The following GPC5 variants were observed in gnomAD, a reference collection of about 807,000 sequenced individuals.
GPC5 encodes the protein glypican 5.
In GPC5, 47 loss-of-function variants were observed where a neutral mutation model predicts 53.9. The ratio of observed to expected loss-of-function variants is 0.87; its 90% confidence interval spans 0.69 to 1.11. The LOEUF (loss-of-function observed/expected upper bound fraction) is 1.11. GPC5 is among the 50% of genes most tolerant of loss of function. The probability of loss-of-function intolerance (pLI) is 0.00; values close to 1 mark genes in which losing one functional copy is unlikely to be tolerated. For synonymous variants in GPC5, 286 were observed against 263.3 expected (o/e 1.09, Z -0.84); for missense variants, 748 against 713.1 (o/e 1.05, Z -0.56).
At chr13:91,737,596 C>A (rs554300461) in intron 4 of GPC5, among the ~76,000 whole-genome samples, 2 of 151,418 alleles carry the variant, frequency 1.3e-5, no homozygotes, top group East Asian at 1.9e-4. Context: ...ATTAAAGATG[C>A]ATTTTACATT....
intron 7 of GPC5, among the ~76,000 whole-genome samples, chr13:92,753,853 A>C (rs9584060): frequency 0.011 from 1,660 of 152,330 alleles, 39 homozygotes; most frequent in African/African-American, 0.038. Context: ...TCTACGTCTG[A>C]TTGGTATACC....
chr13:92,158,712 C>T (rs1363153288), intron 7 of GPC5, among the ~76,000 whole-genome samples: 2 of 148,728 alleles, frequency 1.3e-5, no homozygotes, highest in African/African-American at 5.1e-5. Context: ...TCACATTGGT[C>T]TCTCTGCTTC....
chr13:92,248,165 C>T (rs1408797475), intron 7 of GPC5, among the ~76,000 whole-genome samples: 3 of 149,962 alleles, frequency 2.0e-5, no homozygotes, highest in Admixed American at 1.3e-4. Context: ...AATACTTTGA[C>T]GGGTTGACAA....
intron 5 of GPC5, among the ~76,000 whole-genome samples, chr13:91,854,156 A>G (rs1427722602): frequency 6.6e-6 from 1 of 151,906 alleles, no homozygotes; most frequent in Non-Finnish European, 1.5e-5. Context: ...ATTATTCTAT[A>G]AACAGTTATA....
intron 6 of GPC5, among the ~76,000 whole-genome samples, chr13:92,138,547 A>T (rs560015921): frequency 9.2e-5 from 14 of 151,434 alleles, no homozygotes; most frequent in African/African-American, 2.4e-4. Flanking sequence ...AAAATAAAAA[A>T]AAATAAAAAT....
intron 7 of GPC5, among the ~76,000 whole-genome samples, chr13:92,422,307 G>C (rs1366833106): frequency 1.3e-5 from 2 of 152,048 alleles, no homozygotes; most frequent in African/African-American, 2.4e-5. Flanking sequence ...CTCTAAATAA[G>C]TACAATACAC....
intron 2 of GPC5, among the ~76,000 whole-genome samples, chr13:91,565,652 A>G (rs2031494212): frequency 6.6e-6 from 1 of 152,256 alleles, no homozygotes; most frequent in Non-Finnish European, 1.5e-5. Context: ...CGCCTGGCAC[A>G]CTAATGCTGA....
chr13:91,846,957 C>A (rs777233561), intron 5 of GPC5, among the ~76,000 whole-genome samples: 66 of 152,132 alleles, frequency 4.3e-4, no homozygotes, highest in Non-Finnish European at 8.2e-4. Flanking sequence ...CGGTGGCTCA[C>A]TCCTGTAATC....
intron 7 of GPC5, among the ~76,000 whole-genome samples, chr13:92,511,042 G>C (rs1262433494): frequency 6.6e-6 from 1 of 152,166 alleles, no homozygotes; most frequent in African/African-American, 2.4e-5. Flanking sequence ...TTAATATCTA[G>C]ATTGGTATCT....
At chr13:92,002,208 A>G (rs1406704608) in intron 6 of GPC5, among the ~76,000 whole-genome samples, 3 of 152,048 alleles carry the variant, frequency 2.0e-5, no homozygotes, top group Non-Finnish European at 1.5e-5. Context: ...GGACACAGGC[A>G]AGGAAAGGTT....
Position 91,433,072 on chromosome 13 carries a change from A to G in GPC5, c.164-15689A>G, listed in dbSNP as rs369144656. On this transcript the variant is annotated intron_variant, in intron 1 of 7. Transcript: ENST00000377067. ...TCCTATTGGAGCTCATAGTCTTGGA[A>G]GAGAAGTAATAACAATTAATTACAC... 6.6e-5 allele frequency among the ~76,000 whole-genome samples: 10 copies of G among 152,268 alleles called. No homozygotes were observed. The South Asian group carries it at 2.1e-3, about 32-fold the overall frequency.
chr13:91,817,877 G>T (rs537918791), intron 5 of GPC5, among the ~76,000 whole-genome samples: 37 of 151,990 alleles, frequency 2.4e-4, no homozygotes, highest in African/African-American at 8.9e-4. Context: ...CTTTTTCCTG[G>T]TTTATGTAAA....
intron 6 of GPC5, among the ~76,000 whole-genome samples, chr13:92,052,029 G>T (rs998998719): frequency 6.6e-6 from 1 of 152,106 alleles, no homozygotes; most frequent in Admixed American, 6.6e-5. Flanking sequence ...AGACACAGAG[G>T]GCTTGTGCCA....
At chr13:92,579,242 T>TCC (rs1883286447) in intron 7 of GPC5, among the ~76,000 whole-genome samples, 1 of 66,604 alleles carries the variant, frequency 1.5e-5, no homozygotes, top group African/African-American at 6.3e-5. Context: ...ATTTATGCTC[T>TCC]CTCCCTCCCT....
At chr13:92,210,860 T>G (rs2042370174) in intron 7 of GPC5, among the ~76,000 whole-genome samples, 1 of 152,204 alleles carries the variant, frequency 6.6e-6, no homozygotes, top group African/African-American at 2.4e-5. Flanking sequence ...GGCATGACTT[T>G]GAGAAGAGGG....
At chr13:91,744,458 G>T (rs977413589) in intron 4 of GPC5, among the ~76,000 whole-genome samples, 1 of 152,072 alleles carries the variant, frequency 6.6e-6, no homozygotes, top group Non-Finnish European at 1.5e-5. Context: ...TTATAACAGA[G>T]TTCAGGGACA....
chr13:91,629,009 A>G (rs1409228462), intron 2 of GPC5, among the ~76,000 whole-genome samples: 2 of 152,158 alleles, frequency 1.3e-5, no homozygotes, highest in Non-Finnish European at 2.9e-5. Flanking sequence ...TATCTTTTGG[A>G]GAGTTATTGT....
chr13:92,186,251 C>T (rs2042183045), intron 7 of GPC5, among the ~76,000 whole-genome samples: 1 of 151,478 alleles, frequency 6.6e-6, no homozygotes, highest in Non-Finnish European at 1.5e-5. Context: ...AATGTAGATC[C>T]TTAATATAGG....
chr13:92,278,869 T>A (rs750769777), intron 7 of GPC5, among the ~76,000 whole-genome samples: 13 of 152,080 alleles, frequency 8.5e-5, no homozygotes, highest in Non-Finnish European at 1.5e-4. Flanking sequence ...GACTCTCAAT[T>A]CTATTCCATT....
Sources: gnomAD v4.1 joint callset for allele counts (sites outside exome capture counted in the v4.1 genomes callset) on GRCh38, gnomAD v4.1.1 for gene constraint, MANE v1.5 for transcripts, NCBI Gene and HGNC (gene_info 2026-07-23, HGNC 2026-07-21) for gene names.